Variants in APBB2 observed in about 807,000 individuals in gnomAD.
APBB2 encodes the protein Fe65-like 1.
APBB2 carries 38 observed loss-of-function variants against 82.5 expected under a neutral mutation model. The observed-to-expected ratio is 0.46, with a 90% CI of 0.36 to 0.60. The LOEUF is 0.60. Among genes scored for constraint, APBB2 ranks in the 20% least tolerant of loss-of-function variants. The pLI, the probability that APBB2 is intolerant of heterozygous loss-of-function variation, is 0.00. For synonymous variants in APBB2, 341 were observed against 368.2 expected, an observed-to-expected ratio of 0.93 and a Z score of 0.85; for missense variants, 772 against 972.3, an observed-to-expected ratio of 0.79 and a Z score of 2.74.
At chr4:41,207,198 CAAAAAAAAAAAAAA>C (rs368548129) in intron 1 of APBB2, among the ~76,000 whole-genome samples, 2 of 67,344 alleles carry the variant, frequency 3.0e-5, no homozygotes, top group African/African-American at 7.1e-5. Flanking sequence ...GACTCCGTCT[CAAAAAAAAAAAAAA>C]AAAAAAAAAA....
intron 12 of APBB2, among the ~76,000 whole-genome samples, chr4:40,843,565 T>C (rs1335963809): frequency 6.6e-6 from 1 of 152,238 alleles, no homozygotes; most frequent in Non-Finnish European, 1.5e-5. Context: ...GAAAGAGGAT[T>C]ATGGAGGATT....
chr4:41,037,446 GT>G (rs1301938534), intron 4 of APBB2, among the ~76,000 whole-genome samples: 1 of 152,090 alleles, frequency 6.6e-6, no homozygotes. Context: ...TTAAAACCAT[GT>G]TTAGAATTTC....
chr4:41,005,316 T>C (rs1450098824), intron 6 of APBB2, among the ~76,000 whole-genome samples: 1 of 152,164 alleles, frequency 6.6e-6, no homozygotes, highest in Non-Finnish European at 1.5e-5. Context: ...TCTCAATCTC[T>C]TGATCTCGTG....
rs1414601980 is a variant in APBB2, at chr4:40,832,630, G to A, written c.1530-2053C>T. Among the ~76,000 whole-genome samples, 2 of 152,014 alleles carry A rather than the reference G, an allele frequency of 1.3e-5. No homozygotes were observed. The highest frequency in any genetic ancestry group is 3.9e-4 in the East Asian group (2 of 5,188). On this transcript the variant is annotated intron_variant, in intron 12 of 17. Transcript: ENST00000508593. This position sits in a 1 kb window ranked among gnomAD's most constrained non-coding sequence, Gnocchi z 4.8. ...ACGCAGCCATTCTAAGCTGCTCTTC[G>A]CCTCCCTGCCTGTGCTCAGGCCATC...
intron 12 of APBB2, among the ~76,000 whole-genome samples, chr4:40,875,262 G>T (rs1453356039): frequency 1.3e-5 from 2 of 152,226 alleles, no homozygotes; most frequent in Non-Finnish European, 2.9e-5. Flanking sequence ...ACAGGTATAA[G>T]AAGTAGTTAA....
intron 1 of APBB2, among the ~76,000 whole-genome samples, chr4:41,156,240 T>C (rs1220198723): frequency 6.6e-6 from 1 of 152,074 alleles, no homozygotes. Flanking sequence ...GGACGTACAA[T>C]TAATTGAGGG....
At chr4:41,145,763 CA>C (rs1324374445) in intron 1 of APBB2, among the ~76,000 whole-genome samples, 1 of 152,186 alleles carries the variant, frequency 6.6e-6, no homozygotes, top group Non-Finnish European at 1.5e-5. Context: ...ACTACACTTG[CA>C]CCAAGCCACC....
At chr4:41,198,563 T>C in intron 1 of APBB2, among the ~76,000 whole-genome samples, 1 of 152,160 alleles carries the variant, frequency 6.6e-6, no homozygotes, top group East Asian at 1.9e-4. Flanking sequence ...TGAGGTTCAG[T>C]AACTTGCCCA....
At chr4:41,048,808 G>T (rs1041581275) in intron 4 of APBB2, among the ~76,000 whole-genome samples, 1 of 152,024 alleles carries the variant, frequency 6.6e-6, no homozygotes, top group East Asian at 1.9e-4. Context: ...GAGTGCCTGC[G>T]ATTGCAGGCG....
At chr4:41,189,824 T>C (rs1773909726) in intron 1 of APBB2, among the ~76,000 whole-genome samples, 3 of 152,332 alleles carry the variant, frequency 2.0e-5, no homozygotes, top group South Asian at 4.2e-4. Context: ...CTGTGTTACA[T>C]GAACAGGTTT....
chr4:40,939,520 A>G (rs1486142437), intron 7 of APBB2, among the ~76,000 whole-genome samples: 1 of 152,228 alleles, frequency 6.6e-6, no homozygotes, highest in Non-Finnish European at 1.5e-5. Context: ...TGTGGCCTTG[A>G]TAGTAAATGG....
chr4:41,203,593 T>C (rs1013534731), intron 1 of APBB2, among the ~76,000 whole-genome samples: 1 of 152,154 alleles, frequency 6.6e-6, no homozygotes, highest in Non-Finnish European at 1.5e-5. Flanking sequence ...GTGTTCATAC[T>C]TCCTATCTCA....
chr4:41,194,996 T>C, intron 1 of APBB2, among the ~76,000 whole-genome samples: 2 of 152,194 alleles, frequency 1.3e-5, no homozygotes, highest in African/African-American at 4.8e-5. Flanking sequence ...TGGTCTTCTT[T>C]TGGCTTCTAA....
chr4:41,107,618 G>A (rs984537743), intron 2 of APBB2, among the ~76,000 whole-genome samples: 1 of 152,118 alleles, frequency 6.6e-6, no homozygotes, highest in Non-Finnish European at 1.5e-5. Context: ...CTTTACAAAC[G>A]GAGAGTTCTG....
chr4:41,014,775 C>A (rs1348745413), intron 5 of APBB2, among the ~76,000 whole-genome samples: 2 of 152,096 alleles, frequency 1.3e-5, no homozygotes, highest in African/African-American at 2.4e-5. Flanking sequence ...CATTTTTATT[C>A]TTTGGTTCCT....
intron 1 of APBB2, among the ~76,000 whole-genome samples, chr4:41,201,989 G>A (rs984153746): frequency 6.6e-5 from 10 of 152,162 alleles, no homozygotes; most frequent in South Asian, 2.1e-4. Flanking sequence ...TGACTTCCCC[G>A]CTCCTCGGAG....
intron 6 of APBB2, among the ~76,000 whole-genome samples, chr4:40,978,196 C>T (rs1797655350): frequency 6.6e-6 from 1 of 152,218 alleles, no homozygotes; most frequent in Non-Finnish European, 1.5e-5. Flanking sequence ...CCAAATCAGG[C>T]AGCTATGAAA....
intron 6 of APBB2, among the ~76,000 whole-genome samples, chr4:40,946,254 A>AAAAAAAACAAAAAAAC (rs1553875174): frequency 8.7e-6 from 1 of 114,560 alleles, no homozygotes; most frequent in Admixed American, 8.7e-5. Context: ...AAAAAAAAAA[A>AAAAAAAACAAAAAAAC]CATTCCCAAG....
chr4:41,088,049 G>C (rs1358036178), intron 3 of APBB2, among the ~76,000 whole-genome samples: 1 of 152,148 alleles, frequency 6.6e-6, no homozygotes, highest in Non-Finnish European at 1.5e-5. Flanking sequence ...GTACTTTTAG[G>C]AGTTATTATA....
Sources: allele counts gnomAD v4.1 joint callset (sites outside exome capture counted in the v4.1 genomes callset), GRCh38; gene constraint gnomAD v4.1.1; non-coding constraint Gnocchi (gnomAD v3.1); transcripts MANE v1.5; gene names NCBI Gene and HGNC (gene_info 2026-07-23, HGNC 2026-07-21).